Variants in PGAP1 observed in about 807,000 individuals in gnomAD.
PGAP1 encodes the protein post-GPI attachment to proteins inositol deacylase 1.
A neutral mutation model predicts 127.0 loss-of-function variants in PGAP1; 76 were observed. The ratio of observed to expected loss-of-function variants is 0.60; its 90% CI spans 0.50 to 0.72. The LOEUF (loss-of-function observed/expected upper bound fraction) is 0.72. Ranked by LOEUF, PGAP1 falls within the 30% of genes least tolerant of loss-of-function variation. The probability of loss-of-function intolerance (pLI) is 0.00; values close to 1 mark genes in which losing one functional copy is unlikely to be tolerated. For missense variants in PGAP1, 982 were observed against 1,071.3 expected, an observed-to-expected ratio of 0.92 and a Z score of 1.16; for synonymous variants, 362 against 366.5, an observed-to-expected ratio of 0.99 and a Z score of 0.14.
chr2:196,896,549 T>C (rs1356393378), intron 7 of PGAP1, among the ~76,000 whole-genome samples: 1 of 151,864 alleles, frequency 6.6e-6, no homozygotes, highest in Non-Finnish European at 1.5e-5. Flanking sequence ...CCCCTACACT[T>C]AAAAAATAAA....
chr2:196,839,056 C>T lies in PGAP1; in HGVS notation c.*2178G>A, dbSNP rs921967560. On this transcript the variant is annotated 3_prime_UTR_variant, in exon 27 of 27. Coordinates refer to ENST00000354764, the MANE Select transcript of PGAP1 (RefSeq NM_024989.4). ...AGACTCCATCTCAAAAACAAACAAA[C>T]AAACAAACAAAAAGCAAATGTACTA... is the stretch of plus-strand genomic sequence containing the variant. 1.3e-5 allele frequency: 2 copies of T among 153,996 alleles called. No individual in the cohort carries two copies. Among genetic ancestry groups the T allele is most frequent in the African/African-American group, 4.8e-5 (2 of 41,388 alleles). 9.5% of individuals were successfully genotyped at this position (153,996 alleles called of 1,614,324 possible).
Position 196,873,521 on chromosome 2 carries a change from T to C in PGAP1, c.1552+7A>G. On this transcript the variant is annotated splice_region_variant and intron_variant, in intron 16 of 26. Coordinates refer to ENST00000354764, the MANE Select transcript of PGAP1 (RefSeq NM_024989.4). ...TTTTCTATACATTTTTTAGAAAACA[T>C]ATTTACCTTTGACTGCTGAGCACTT... The C allele has an allele frequency of 1.2e-6, 2 of 1,601,010 alleles. No homozygotes were observed. Among genetic ancestry groups the C allele is most frequent in the Non-Finnish European group, 1.7e-6 (2 of 1,171,848 alleles).
intron 12 of PGAP1, among the ~76,000 whole-genome samples, 173 bp from the exon 13 acceptor site, chr2:196,880,326 G>A (rs1701692700): frequency 6.6e-6 from 1 of 151,940 alleles, no homozygotes; most frequent in Non-Finnish European, 1.5e-5. Context: ...CAATAATCCT[G>A]TTGAAAATCA....
intron 4 of PGAP1, among the ~76,000 whole-genome samples, chr2:196,903,277 C>T (rs1330646862): frequency 6.6e-6 from 1 of 151,476 alleles, no homozygotes; most frequent in Admixed American, 6.6e-5. Context: ...AGCTGTAGAT[C>T]CCTCCCTATG....
chr2:196,848,359 C>T (rs1395232199), intron 20 of PGAP1, among the ~76,000 whole-genome samples: 2 of 152,142 alleles, frequency 1.3e-5, no homozygotes, highest in Non-Finnish European at 2.9e-5. Flanking sequence ...TCTATTTAAA[C>T]ATATACAATT....
intron 17 of PGAP1, 68 bp downstream of exon 17, chr2:196,872,892 A>C: frequency 1.5e-6 from 1 of 668,686 alleles, no homozygotes; most frequent in East Asian, 2.8e-5. Context: ...ATTTAAATAA[A>C]TAAACTAAGC....
intron 19 of PGAP1, among the ~76,000 whole-genome samples, chr2:196,867,419 G>A (rs1005565512): frequency 1.4e-4 from 21 of 152,116 alleles, no homozygotes; most frequent in Non-Finnish European, 2.9e-5. Context: ...AGTGGGAGTT[G>A]AACAATGAGA....
chr2:196,864,201 C>T (rs1701160680), intron 20 of PGAP1, among the ~76,000 whole-genome samples: 1 of 151,624 alleles, frequency 6.6e-6, no homozygotes, highest in African/African-American at 2.4e-5. Flanking sequence ...ACCAGCCTGG[C>T]CAACATGGTG....
At chr2:196,919,355 T>C (rs1053771986) in intron 2 of PGAP1, among the ~76,000 whole-genome samples, 7 of 152,164 alleles carry the variant, frequency 4.6e-5, no homozygotes, top group African/African-American at 9.7e-5. Flanking sequence ...ACGTAAATAA[T>C]TGCACATGTT....
intron 7 of PGAP1, among the ~76,000 whole-genome samples, chr2:196,893,791 A>G (rs1262703861): frequency 6.6e-6 from 1 of 152,182 alleles, no homozygotes; most frequent in Non-Finnish European, 1.5e-5. Context: ...TGTTTTTTAA[A>G]TATCCTGGCA....
In PGAP1 at chr2:196,865,087, A is replaced by C. The variant is rs747733990; in HGVS notation, c.1768-7T>G. The stretch of plus-strand genomic sequence containing the variant: ...CACCATGAAATCTAACTACCTAAAA[A>C]ACAGGTAAGTCAATGGGCAACTCCT... On this transcript the variant is annotated splice_region_variant and splice_polypyrimidine_tract_variant and intron_variant, in intron 19 of 26. Coordinates refer to ENST00000354764, the MANE Select transcript of PGAP1 (RefSeq NM_024989.4). 3 of 1,505,448 alleles carry C rather than the reference A, an allele frequency of 2.0e-6. No individual in the cohort carries two copies. The highest frequency in any genetic ancestry group is 2.3e-5 in the Admixed American group (1 of 43,604). The allele number at this position is 1,505,448 out of a possible 1,614,324, so 93.3% of individuals were successfully genotyped here.
chr2:196,860,212 T>C (rs1701020782), intron 20 of PGAP1, among the ~76,000 whole-genome samples: 1 of 152,054 alleles, frequency 6.6e-6, no homozygotes, highest in African/African-American at 2.4e-5. Context: ...TAACTTTCTA[T>C]ACACTAATAA....
Position 196,919,904 on chromosome 2 carries a change from C to A in PGAP1, c.301+93G>T. ...AGCACTTCACACACAGCATGCATTT[C>A]ATTTACTTTATTTGATTCACCGAGT... On this transcript the variant is annotated intron_variant, in intron 2 of 26. Transcript: ENST00000354764. The A allele has an allele frequency of 2.3e-6, 3 of 1,298,468 alleles. No individual in the cohort carries two copies. In the East Asian group the frequency reaches 7.0e-5, roughly 30 times the overall value. The allele number at this position is 1,298,468 out of a possible 1,614,324, so 80.4% of individuals were successfully genotyped here.
intron 12 of PGAP1, among the ~76,000 whole-genome samples, chr2:196,881,175 C>T (rs963513214): frequency 1.3e-5 from 2 of 152,166 alleles, no homozygotes; most frequent in African/African-American, 2.4e-5. Flanking sequence ...CCAGTTCCAT[C>T]CATGTTACTG....
chr2:196,920,717 G>A (rs1703161341), intron 1 of PGAP1, among the ~76,000 whole-genome samples: 1 of 151,926 alleles, frequency 6.6e-6, no homozygotes, highest in South Asian at 2.1e-4. Flanking sequence ...TAACCTTATA[G>A]CCATGTCTTG....
intron 26 of PGAP1, 42 bp from the exon 27 acceptor site, chr2:196,841,414 C>T: frequency 6.9e-7 from 1 of 1,442,566 alleles, no homozygotes. Flanking sequence ...ATGTGAACTA[C>T]ATTGTGAGCC....
Position 196,912,885 on chromosome 2 carries a change from T to G in PGAP1, c.646A>C (p.Thr216Pro), listed in dbSNP as rs1032235512. Residue 216 changes from threonine (T) to proline (P), a missense_variant, in exon 4 of 27, where the codon ACA becomes CCA. Transcript: ENST00000354764. The part of the protein sequence containing the change: ...APVMPLDRFI[T>P]DFYTTVNNYW... ...ATGTTCATGTAACAGTACTCACCTG[T>G]AATGAAACGATCTAATGGCATCACA... 8 of 1,607,254 alleles carry G rather than the reference T, an allele frequency of 5.0e-6. No homozygotes were observed. Among genetic ancestry groups the G allele is most frequent in the African/African-American group, 1.3e-5 (1 of 74,652 alleles).
At chr2:196,842,871 C>G (rs780506124) in intron 25 of PGAP1, 46 bp from the exon 26 acceptor site, 2 of 885,968 alleles carry the variant, frequency 2.3e-6, no homozygotes, top group Admixed American at 5.2e-5. Context: ...ATGACCTGAT[C>G]ATTTTAAATT....
chr2:196,913,022 A>G lies in PGAP1; in HGVS notation c.509T>C (p.Ile170Thr). Reference protein sequence around the residue: ...GQEFAPKSVAIIGHSMGGLVA... With the variant: ...GQEFAPKSVATIGHSMGGLVA... The stretch of plus-strand genomic sequence containing the variant: ...AAGGCCACCCATAGAATGACCAATT[A>G]TTGCCACACTTTTTGGAGCAAATTC... The change falls in exon 4 of 27, where the codon ATA becomes ACA. Residue 170 changes from isoleucine (I) to threonine (T), a missense_variant. Transcript: ENST00000354764. 1 of 1,611,214 alleles carries G rather than the reference A, an allele frequency of 6.2e-7. No individual in the cohort carries two copies. Among genetic ancestry groups the G allele is most frequent in the South Asian group, 1.1e-5 (1 of 90,294 alleles).
Sources: gnomAD v4.1 joint callset for allele counts (sites outside exome capture counted in the v4.1 genomes callset) on GRCh38, gnomAD v4.1.1 for gene constraint, MANE v1.5 for transcripts, NCBI Gene and HGNC (gene_info 2026-07-23, HGNC 2026-07-21) for gene names.